Variants in TTLL13 observed in about 807,000 individuals in gnomAD.
TTLL13 encodes tubulin polyglutamylase TTLL13.
At chr15:90,252,151 T>A in the TTLL13 span, among the ~76,000 whole-genome samples, 1 of 151,094 alleles carries the variant, frequency 6.6e-6, no homozygotes, top group South Asian at 2.1e-4. Flanking sequence ...GCGATTCTCC[T>A]GCCTCAGCCT....
chr15:90,262,748 G>A, the TTLL13 span: 144 of 1,326,884 alleles, frequency 1.1e-4, no homozygotes, highest in Non-Finnish European at 1.4e-4. Context: ...AATCTCTGCT[G>A]TCTTCTCCTC....
the TTLL13 span, chr15:90,255,922 G>T: frequency 3.7e-6 from 6 of 1,613,338 alleles, no homozygotes; most frequent in Non-Finnish European, 5.1e-6. Flanking sequence ...AGATACCAGG[G>T]GGAGGAAAAG....
chr15:90,263,578 G>A, the TTLL13 span: 1 of 568,424 alleles, frequency 1.8e-6, no homozygotes, highest in Non-Finnish European at 3.1e-6. Context: ...CCCTGGGCTG[G>A]TAGCAAACCT....
At chr15:90,257,779 T>G in the TTLL13 span, 2 of 1,556,660 alleles carry the variant, frequency 1.3e-6, no homozygotes, top group African/African-American at 1.4e-5. Flanking sequence ...ACAGTCCCAG[T>G]AGCCCATGAA....
the TTLL13 span, among the ~76,000 whole-genome samples, chr15:90,251,792 A>T: frequency 6.8e-6 from 1 of 148,024 alleles, no homozygotes; most frequent in Admixed American, 6.9e-5. Flanking sequence ...AGGTAGTCTC[A>T]GTGTTAGGGA....
the TTLL13 span, among the ~76,000 whole-genome samples, chr15:90,251,862 C>T: frequency 6.6e-6 from 1 of 151,894 alleles, no homozygotes; most frequent in Non-Finnish European, 1.5e-5. Flanking sequence ...ACTACTGCCC[C>T]ACCCTTCCCA....
chr15:90,256,617 CCT>C, the TTLL13 span, among the ~76,000 whole-genome samples: 1 of 57,816 alleles, frequency 1.7e-5, no homozygotes, highest in African/African-American at 8.2e-5. Context: ...TTCCTTCCTT[CCT>C]TCCTTCCTTC....
chr15:90,264,589 T>A, the TTLL13 span: 1 of 1,025,178 alleles, frequency 9.8e-7, no homozygotes, highest in Non-Finnish European at 1.4e-6. Context: ...TACAATACAG[T>A]GTGGGAAAGA....
chr15:90,256,587 TTCTTTCTTTC>T, the TTLL13 span, among the ~76,000 whole-genome samples: 1 of 36,112 alleles, frequency 2.8e-5, no homozygotes, highest in Non-Finnish European at 5.4e-5. Context: ...CTTTCTTTCT[TTCTTTCTTTC>T]TTTCTTTCTT....
chr15:90,262,460 C>A, the TTLL13 span: 1 of 1,448,486 alleles, frequency 6.9e-7, no homozygotes, highest in African/African-American at 1.4e-5. Context: ...AACACCATTT[C>A]TCTACTGTCT....
At chr15:90,262,580 G>C in the TTLL13 span, 1 of 1,534,852 alleles carries the variant, frequency 6.5e-7, no homozygotes, top group Non-Finnish European at 8.7e-7. Flanking sequence ...GAACCAGGGT[G>C]AATCAGCTGG....
the TTLL13 span, chr15:90,264,126 G>C: frequency 5.1e-6 from 5 of 987,006 alleles, no homozygotes; most frequent in Non-Finnish European, 7.5e-6. Context: ...ATAGAGCTTG[G>C]ATGCCCCTAA....
At chr15:90,262,497 A>C in the TTLL13 span, 15 of 1,492,540 alleles carry the variant, frequency 1.0e-5, no homozygotes, top group Non-Finnish European at 1.2e-5. Context: ...GTCAGGCAGC[A>C]ACTAGAGGAG....
At chr15:90,263,865 C>T in the TTLL13 span, 1 of 943,066 alleles carries the variant, frequency 1.1e-6, no homozygotes, top group Non-Finnish European at 1.7e-6. Flanking sequence ...CAGTTCTGCC[C>T]CATGAATCAA....
chr15:90,249,756 C>T, the TTLL13 span: 1 of 152,194 alleles, frequency 6.6e-6, no homozygotes, highest in African/African-American at 2.4e-5. Flanking sequence ...GAGTCCATCC[C>T]CAGGCGGCTA....
At chr15:90,264,124 T>A in the TTLL13 span, 1 of 989,206 alleles carries the variant, frequency 1.0e-6, no homozygotes, top group Non-Finnish European at 1.5e-6. Flanking sequence ...GCATAGAGCT[T>A]GGATGCCCCT....
chr15:90,262,172 G>T, the TTLL13 span: 1 of 1,534,572 alleles, frequency 6.5e-7, no homozygotes, highest in Non-Finnish European at 8.7e-7. Context: ...TGCTTCCAAG[G>T]CCAGAGAGGA....
At chr15:90,257,354 G>A in the TTLL13 span, 2 of 1,534,474 alleles carry the variant, frequency 1.3e-6, no homozygotes, top group African/African-American at 2.8e-5. Context: ...ACATGGTAGA[G>A]AGGTTTGTCA....
At chr15:90,253,368 G>C in the TTLL13 span, 1 of 1,610,096 alleles carries the variant, frequency 6.2e-7, no homozygotes. Flanking sequence ...GAGGTTTCAG[G>C]TACCCATCTC....
Sources: gnomAD v4.1 joint callset for allele counts (sites outside exome capture counted in the v4.1 genomes callset) on GRCh38, gnomAD v4.1.1 for gene constraint, MANE v1.5 for transcripts, NCBI Gene and HGNC (gene_info 2026-07-23, HGNC 2026-07-21) for gene names.